TRIM2: variants seen among roughly 807,000 people sequenced by gnomAD.
The protein encoded by TRIM2 is tripartite motif containing 2, also known as tripartite motif-containing protein 2.
A neutral mutation model predicts 75.2 loss-of-function variants in TRIM2; 20 were observed. That is an observed-to-expected ratio of 0.27 (90% CI 0.19 to 0.39). The LOEUF is 0.39. Among genes scored for constraint, TRIM2 ranks in the 10% least tolerant of loss-of-function variants. The pLI, the probability that TRIM2 is intolerant of heterozygous loss-of-function variation, is 1.00. For missense variants in TRIM2, 660 were observed against 990.8 expected (o/e 0.67, Z 4.48); for synonymous variants, 373 against 388.3 (o/e 0.96, Z 0.46).
chr4:153,276,189 G>C, intron 3 of TRIM2, 59 bp downstream of exon 3: 2 of 1,407,728 alleles, frequency 1.4e-6, no homozygotes, highest in Non-Finnish European at 2.0e-6. Context: ...CCTTGGGGAG[G>C]CTTTGGGTAC....
intron 1 of TRIM2, among the ~76,000 whole-genome samples, chr4:153,168,795 G>A (rs1730560997): frequency 6.6e-6 from 1 of 152,076 alleles, no homozygotes; most frequent in African/African-American, 2.4e-5. Context: ...TGCATTTTTA[G>A]AAGTTCTCTA....
intron 1 of TRIM2, 42 bp downstream of exon 1, chr4:153,204,602 CA>C (rs1560810771): frequency 6.4e-7 from 1 of 1,551,432 alleles, no homozygotes; most frequent in Admixed American, 2.0e-5. Context: ...TTTTCTGGGC[CA>C]GCTGGTTAAT....
At chr4:153,313,816 T>C (rs951663939) in intron 6 of TRIM2, among the ~76,000 whole-genome samples, 4 of 151,084 alleles carry the variant, frequency 2.6e-5, no homozygotes, top group African/African-American at 9.9e-5. Context: ...TTTGTATTTT[T>C]AGTAGAGATG....
intron 1 of TRIM2, among the ~76,000 whole-genome samples, chr4:153,218,025 A>G (rs1738953669): frequency 6.6e-6 from 1 of 152,234 alleles, no homozygotes; most frequent in Non-Finnish European, 1.5e-5. Flanking sequence ...CTGCTGGTGA[A>G]TATGTGTATC....
intron 1 of TRIM2, among the ~76,000 whole-genome samples, chr4:153,194,301 T>C (rs964493140): frequency 6.6e-6 from 1 of 152,160 alleles, no homozygotes; most frequent in African/African-American, 2.4e-5. Context: ...GATAAACCAA[T>C]TGTGGTATGT....
In TRIM2 at chr4:153,276,332, G is replaced by T. The variant is rs1277371813; in HGVS notation, c.453+202G>T. On this transcript the variant is annotated intron_variant, in intron 3 of 11. Coordinates refer to ENST00000338700, the MANE Select transcript of TRIM2 (RefSeq NM_015271.5). ...TTAAATAACGAAATCAATCTCCACT[G>T]TGTCTCCTTCACACATATTGTTGGT... 1.8e-5 allele frequency: 11 copies of T among 599,430 alleles called. No individual in the cohort carries two copies. In the Admixed American group the frequency reaches 3.2e-4, roughly 18 times the overall value. The allele number at this position is 599,430 out of a possible 1,614,324, so 37.1% of individuals were successfully genotyped here.
intron 1 of TRIM2, among the ~76,000 whole-genome samples, chr4:153,247,786 ATGAAG>A (rs1429405783): frequency 6.6e-6 from 1 of 151,682 alleles, no homozygotes; most frequent in Non-Finnish European, 1.5e-5. Context: ...TGAAAAGGTG[ATGAAG>A]TGTAGTGTTT....
Position 153,234,228 on chromosome 4 carries a change from C to T in TRIM2, c.30+29668C>T, listed in dbSNP as rs528895080. Among the ~76,000 whole-genome samples the T allele has an allele frequency of 2.8e-3, 423 of 152,296 alleles. 5 individuals carry two copies. The highest frequency in any genetic ancestry group is 9.7e-3 in the African/African-American group (404 of 41,560). ...ATTTTATGCTCAAGACTCACAACCA[C>T]TCAGAAGTGCAGTTTTCTCCTTGAC... is the stretch of plus-strand genomic sequence containing the variant. On this transcript the variant is annotated intron_variant, in intron 1 of 11. Transcript: ENST00000338700.
chr4:153,247,289 T>C (rs1749446224), intron 1 of TRIM2, among the ~76,000 whole-genome samples: 1 of 152,190 alleles, frequency 6.6e-6, no homozygotes, highest in Non-Finnish European at 1.5e-5. Context: ...AAAGTAGCAC[T>C]GCAGCCTCTC....
chr4:153,178,412 G>C (rs977367256), intron 1 of TRIM2, among the ~76,000 whole-genome samples: 2 of 152,138 alleles, frequency 1.3e-5, no homozygotes, highest in Non-Finnish European at 2.9e-5. Flanking sequence ...GAGAACAAAC[G>C]ATTAAAAAAG....
chr4:153,279,175 A>G (rs964275193), intron 3 of TRIM2, among the ~76,000 whole-genome samples: 24 of 152,210 alleles, frequency 1.6e-4, no homozygotes, highest in Admixed American at 1.4e-3. Context: ...AATGGCATCA[A>G]TGGGCCTGGG....
intron 5 of TRIM2, among the ~76,000 whole-genome samples, chr4:153,294,961 A>G (rs1257877795): frequency 6.6e-6 from 1 of 152,164 alleles, no homozygotes. Flanking sequence ...GGTGATGGAC[A>G]TGGGGACATG....
chr4:153,307,737 C>CT (rs1765331195), intron 6 of TRIM2: 3 of 627,082 alleles, frequency 4.8e-6, no homozygotes, highest in Non-Finnish European at 9.1e-6. Context: ...AGCACCATTT[C>CT]TGGACGCTCG....
Position 153,218,666 on chromosome 4 carries a change from G to C in TRIM2, c.30+14106G>C, listed in dbSNP as rs1739142309. ...TCCGTATAGTATTTCCTGGGCTTTA[G>C]GAAGTGCTCTCTCATTTTTCTGTGA... On this transcript the variant is annotated intron_variant, in intron 1 of 11. Transcript: ENST00000338700. 5.3e-5 allele frequency among the ~76,000 whole-genome samples: 8 copies of C among 152,114 alleles called. No individual in the cohort carries two copies. In the South Asian group the frequency reaches 1.7e-3, roughly 32 times the overall value.
rs147047503 is a variant in TRIM2, at chr4:153,226,366, A to G, written c.30+21806A>G. 8.7e-3 allele frequency among the ~76,000 whole-genome samples: 1,321 copies of G among 152,360 alleles called. 12 individuals are homozygous for G. Among genetic ancestry groups the G allele is most frequent in the Non-Finnish European group, 0.016 (1,057 of 68,042 alleles). On this transcript the variant is annotated intron_variant, in intron 1 of 11. Coordinates refer to ENST00000338700, the MANE Select transcript of TRIM2 (RefSeq NM_015271.5). ...TATATGTCAGCATCTTTATTAATTT[A>G]AGACTGTTTAGAAGTGCTCAAATAG... is the stretch of plus-strand genomic sequence containing the variant.
intron 9 of TRIM2, among the ~76,000 whole-genome samples, chr4:153,323,094 G>T (rs1186892473): frequency 2.0e-5 from 3 of 152,062 alleles, no homozygotes; most frequent in South Asian, 2.1e-4. Flanking sequence ...ATTAAATAAG[G>T]TATAAATTTT....
chr4:153,163,128 C>G (rs1729907621), intron 1 of TRIM2, among the ~76,000 whole-genome samples: 1 of 152,192 alleles, frequency 6.6e-6, no homozygotes, highest in East Asian at 1.9e-4. Context: ...CTGTAAATAT[C>G]TGAAACTTGT....
chr4:153,299,666 G>A (rs962488833), intron 6 of TRIM2, among the ~76,000 whole-genome samples: 5 of 151,918 alleles, frequency 3.3e-5, no homozygotes, highest in African/African-American at 7.3e-5. Context: ...AGTTTTAATC[G>A]GTAGTTCACA....
At chr4:153,174,955 C>A (rs914167908) in intron 1 of TRIM2, among the ~76,000 whole-genome samples, 1 of 152,128 alleles carries the variant, frequency 6.6e-6, no homozygotes, top group African/African-American at 2.4e-5. Context: ...ATCCAAGTTC[C>A]CACATCTTTG....
Sources: gnomAD v4.1 joint callset for allele counts (sites outside exome capture counted in the v4.1 genomes callset) on GRCh38, gnomAD v4.1.1 for gene constraint, MANE v1.5 for transcripts, NCBI Gene and HGNC (gene_info 2026-07-23, HGNC 2026-07-21) for gene names.